The following BRIP1 variants were observed in gnomAD, a reference collection of about 807,000 sequenced individuals.
BRIP1 encodes the protein BRCA1 interacting DNA helicase 1.
Under a neutral mutation model 119.7 loss-of-function variants are expected in BRIP1, and 88 were observed. The ratio of observed to expected loss-of-function variants is 0.74; its 90% CI spans 0.62 to 0.88. The LOEUF (loss-of-function observed/expected upper bound fraction) is 0.88, where lower values mean the gene tolerates loss of function less well. Among genes scored for constraint, BRIP1 ranks in the 40% least tolerant of loss-of-function variants. BRIP1 has a pLI of 0.00. For missense variants in BRIP1, 1,259 were observed against 1,455.4 expected (o/e 0.87, Z 2.20); for synonymous variants, 443 against 496.5 (o/e 0.89, Z 1.43).
intron 10 of BRIP1, among the ~76,000 whole-genome samples, chr17:61,787,516 A>T (rs1395216256): frequency 6.9e-6 from 1 of 145,290 alleles, no homozygotes; most frequent in East Asian, 1.9e-4. Flanking sequence ...AAGCATGTGA[A>T]TTATACCTCA....
rs2061574003 is a variant in BRIP1, at chr17:61,699,178, C to A, written c.2493-5666G>T. On this transcript the variant is annotated intron_variant, in intron 17 of 19. Coordinates refer to ENST00000259008, the MANE Select transcript of BRIP1 (RefSeq NM_032043.3). This position sits in a 1 kb window ranked among gnomAD's most constrained non-coding sequence, Gnocchi z 4.8. ...ATTTGTGTTTTTTAAACTAGTGTTT[C>A]TCTTGCAGACAGCATATATCACATT... Among the ~76,000 whole-genome samples the A allele has an allele frequency of 6.6e-6, 1 of 152,018 alleles. No individual in the cohort carries two copies. The highest frequency in any genetic ancestry group is 1.9e-4 in the East Asian group (1 of 5,194).
rs1183809828 is a variant in BRIP1 at position 61,810,107 on chromosome 17, G to C, written c.628-1350C>G. On this transcript the variant is annotated intron_variant, in intron 6 of 19. Transcript: ENST00000259008. The surrounding 1 kb of genome is among the most constrained non-coding windows in gnomAD (Gnocchi z 4.7). The stretch of plus-strand genomic sequence containing the variant: ...TCAAAGCAGATAAAGTTACAGCCAT[G>C]CTGGAATTGTTACATTCTCCTCTCA... Among the ~76,000 whole-genome samples the C allele has an allele frequency of 6.6e-6, 1 of 152,228 alleles. No homozygotes were observed. Among genetic ancestry groups the C allele is most frequent in the Non-Finnish European group, 1.5e-5 (1 of 68,034 alleles).
intron 6 of BRIP1, 60 bp downstream of exon 6, chr17:61,847,041 T>C (rs2078743928): frequency 6.3e-7 from 1 of 1,599,786 alleles, no homozygotes; most frequent in African/African-American, 1.3e-5. Flanking sequence ...TTGTCAAAAA[T>C]TGGTTTAGAA....
intron 16 of BRIP1, among the ~76,000 whole-genome samples, chr17:61,728,780 A>G (rs1207728041): frequency 6.6e-6 from 1 of 152,208 alleles, no homozygotes. Context: ...TTGATGAGCA[A>G]TTTAGCCCTG....
Position 61,716,109 on chromosome 17 carries a change from C to A in BRIP1, c.2380-46G>T, listed in dbSNP as rs552439477. ...TTAAAAAATTAGTAGATAATTAAAG[C>A]TCATTTTAAACATCATATTAACTTC... is the stretch of plus-strand genomic sequence containing the variant. On this transcript the variant is annotated intron_variant, in intron 16 of 19. Transcript: ENST00000259008. 13 of 1,178,870 alleles carry A rather than the reference C, an allele frequency of 1.1e-5. No homozygotes were observed. The South Asian group carries it at 1.8e-4, about 17-fold the overall frequency. 73.0% of individuals were successfully genotyped at this position (1,178,870 alleles called of 1,614,324 possible).
At position 61,680,411 on chromosome 17, in the gene BRIP1, G is replaced by T. The variant is rs1215640988; in HGVS notation, c.*2885C>A. On this transcript the variant is annotated 3_prime_UTR_variant, in exon 20 of 20. Transcript: ENST00000259008. ...GGGAAAGTATTGGAGATGAAGTTGG[G>T]TAATAACACTAAGATATGAATAATA... is the stretch of plus-strand genomic sequence containing the variant. 6.6e-6 allele frequency among the ~76,000 whole-genome samples: 1 copy of T among 151,048 alleles called. No individual in the cohort carries two copies. Among genetic ancestry groups the T allele is most frequent in the African/African-American group, 2.4e-5 (1 of 41,076 alleles).
At chr17:61,830,298 A>AT (rs1250465024) in intron 6 of BRIP1, among the ~76,000 whole-genome samples, 7 of 15,968 alleles carry the variant, frequency 4.4e-4, no homozygotes, top group African/African-American at 1.3e-3. Context: ...AACAATGGTA[A>AT]TTAAAAAAAA....
rs185763489 is a variant in BRIP1, at chr17:61,721,491, G to A, written c.2380-5428C>T. 2.0e-4 allele frequency among the ~76,000 whole-genome samples: 30 copies of A among 150,224 alleles called. No individual in the cohort carries two copies. In the East Asian group the frequency reaches 5.7e-3, roughly 28 times the overall value. ...TCACCATGTTGACCAGGATGGTCTC[G>A]ATCTCTTGACCTCGTGATCCACCCG... On this transcript the variant is annotated intron_variant, in intron 16 of 19. Coordinates refer to ENST00000259008, the MANE Select transcript of BRIP1 (RefSeq NM_032043.3).
chr17:61,721,692 C>CTTTTTTT (rs71150632), intron 16 of BRIP1, among the ~76,000 whole-genome samples: 3 of 73,630 alleles, frequency 4.1e-5, no homozygotes, highest in Admixed American at 2.0e-4. Context: ...TAGACTTTGC[C>CTTTTTTT]TTTTTTTTTT....
intron 17 of BRIP1, among the ~76,000 whole-genome samples, chr17:61,715,741 C>T (rs915991142): frequency 2.0e-5 from 3 of 152,168 alleles, no homozygotes; most frequent in African/African-American, 7.2e-5. Flanking sequence ...TAAACTTTAG[C>T]AAATTGTGAG....
chr17:61,817,594 G>A (rs541363730), intron 6 of BRIP1, among the ~76,000 whole-genome samples: 3 of 152,320 alleles, frequency 2.0e-5, no homozygotes, highest in South Asian at 2.1e-4. Context: ...TGATGACAGC[G>A]TATTTGATAT....
Position 61,751,629 on chromosome 17 carries a change from A to G in BRIP1, c.2098-7038T>C, listed in dbSNP as rs1245654121. Among the ~76,000 whole-genome samples the G allele has an allele frequency of 1.3e-5, 2 of 152,228 alleles. No individual in the cohort carries two copies. The highest frequency in any genetic ancestry group is 4.1e-4 in the South Asian group (2 of 4,834). On this transcript the variant is annotated intron_variant, in intron 14 of 19. Coordinates refer to ENST00000259008, the MANE Select transcript of BRIP1 (RefSeq NM_032043.3). The surrounding 1 kb of genome is among the most constrained non-coding windows in gnomAD (Gnocchi z 6.7). Reference sequence around the variant, plus strand: ...TCTAGATGTTGAGTAAAAAATGCAAATACAGATAGATAACAAATATGATTT... The same window carrying G: ...TCTAGATGTTGAGTAAAAAATGCAAGTACAGATAGATAACAAATATGATTT...
chr17:61,791,858 T>G (rs1256581490), intron 10 of BRIP1, among the ~76,000 whole-genome samples: 17 of 152,030 alleles, frequency 1.1e-4, no homozygotes. Flanking sequence ...AGAAGAAAAT[T>G]TTGCCATTTG....
chr17:61,826,765 C>T (rs1464052092), intron 6 of BRIP1, among the ~76,000 whole-genome samples: 3 of 143,402 alleles, frequency 2.1e-5, no homozygotes, highest in Admixed American at 1.4e-4. Flanking sequence ...AAACAGATGC[C>T]GGTGAGGTTG....
At position 61,713,576 on chromosome 17, in the gene BRIP1, C is replaced by G. The variant is rs2061812137; in HGVS notation, c.2492+2375G>C. The stretch of plus-strand genomic sequence containing the variant: ...TCGCTCTGTCGCCCAGGCTGGAGTG[C>G]AGTGGGGTGATCTCGGCTCACTGCA... On this transcript the variant is annotated intron_variant, in intron 17 of 19. Transcript: ENST00000259008. This position sits in a 1 kb window ranked among gnomAD's most constrained non-coding sequence, Gnocchi z 4.9. 6.7e-6 allele frequency among the ~76,000 whole-genome samples: 1 copy of G among 150,118 alleles called. No individual in the cohort carries two copies. Among genetic ancestry groups the G allele is most frequent in the Non-Finnish European group, 1.5e-5 (1 of 67,762 alleles).
At position 61,852,691 on chromosome 17, in the gene BRIP1, G is replaced by T. The variant is rs1334545959; in HGVS notation, c.380-3435C>A. ...TCAAATAAAAAACAAAAGAAAAATG[G>T]CAAACAACTTGATTAGGCAATTCAC... On this transcript the variant is annotated intron_variant, in intron 4 of 19. Coordinates refer to ENST00000259008, the MANE Select transcript of BRIP1 (RefSeq NM_032043.3). The surrounding 1 kb of genome is among the most constrained non-coding windows in gnomAD (Gnocchi z 4.9). Among the ~76,000 whole-genome samples, 1 of 151,840 alleles carries T rather than the reference G, an allele frequency of 6.6e-6. No individual in the cohort carries two copies. Among genetic ancestry groups the T allele is most frequent in the East Asian group, 1.9e-4 (1 of 5,176 alleles).
rs1298335161 is a variant in BRIP1 at position 61,757,926 on chromosome 17, A to G, written c.2098-13335T>C. Among the ~76,000 whole-genome samples, 1 of 151,994 alleles carries G rather than the reference A, an allele frequency of 6.6e-6. No individual in the cohort carries two copies. Among genetic ancestry groups the G allele is most frequent in the African/African-American group, 2.4e-5 (1 of 41,388 alleles). On this transcript the variant is annotated intron_variant, in intron 14 of 19. Transcript: ENST00000259008. The surrounding 1 kb of genome is among the most constrained non-coding windows in gnomAD (Gnocchi z 4.3). ...GAGGATCACCTGAGCCAGGGAGGTA[A>G]AGACTACAGTGAGCCAGTGATTGTA...
In BRIP1 at chr17:61,746,928, T is replaced by C. The variant is rs2077065838; in HGVS notation, c.2098-2337A>G. On this transcript the variant is annotated intron_variant, in intron 14 of 19. Transcript: ENST00000259008. The surrounding 1 kb of genome is among the most constrained non-coding windows in gnomAD (Gnocchi z 4.9). ...GGAACATTCTCTAGGACAGATCATG[T>C]GTTAGGTAACAAAGCAAGTCTTAAC... Among the ~76,000 whole-genome samples the C allele has an allele frequency of 6.6e-6, 1 of 152,204 alleles. No homozygotes were observed. The highest frequency in any genetic ancestry group is 6.5e-5 in the Admixed American group (1 of 15,282).
intron 8 of BRIP1, among the ~76,000 whole-genome samples, chr17:61,800,024 G>A (rs985368917): frequency 6.6e-6 from 1 of 152,096 alleles, no homozygotes; most frequent in African/African-American, 2.4e-5. Flanking sequence ...GTGATCCACG[G>A]TAGGCCAACC....
Sources: allele counts gnomAD v4.1 joint callset (sites outside exome capture counted in the v4.1 genomes callset), GRCh38; gene constraint gnomAD v4.1.1; non-coding constraint Gnocchi (gnomAD v3.1); transcripts MANE v1.5; gene names NCBI Gene and HGNC (gene_info 2026-07-23, HGNC 2026-07-21).